The following ELMO1 variants were observed in gnomAD, a reference collection of about 807,000 sequenced individuals.
ELMO1 encodes engulfment and cell motility protein 1.
A neutral mutation model predicts 98.9 loss-of-function variants in ELMO1; 26 were observed. The ratio of observed to expected loss-of-function variants is 0.26; its 90% CI spans 0.19 to 0.36. The LOEUF (loss-of-function observed/expected upper bound fraction) is 0.36, where lower values mean the gene tolerates loss of function less well. Ranked by LOEUF, ELMO1 falls within the 10% of genes least tolerant of loss-of-function variation. The probability of loss-of-function intolerance (pLI) is 1.00; values close to 1 mark genes in which losing one functional copy is unlikely to be tolerated. For missense variants in ELMO1, 627 were observed against 935.2 expected (o/e 0.67, Z 4.30); for synonymous variants, 346 against 346.0 (o/e 1.00, Z 0.00).
chr7:37,335,661 G>GGGT (rs1312596981), intron 2 of ELMO1, among the ~76,000 whole-genome samples: 1 of 152,116 alleles, frequency 6.6e-6, no homozygotes, highest in African/African-American at 2.4e-5. Context: ...AGTGAGCGAG[G>GGGT]GGTGCCCGGA....
chr7:37,035,359 T>C (rs1408718070), intron 15 of ELMO1, among the ~76,000 whole-genome samples: 1 of 152,244 alleles, frequency 6.6e-6, no homozygotes, highest in Non-Finnish European at 1.5e-5. Flanking sequence ...GACTTCTTTT[T>C]TGGTTGGATC....
intron 18 of ELMO1, among the ~76,000 whole-genome samples, chr7:36,883,196 T>C (rs1028773261): frequency 5.3e-5 from 8 of 152,166 alleles, no homozygotes; most frequent in Non-Finnish European, 1.0e-4. Flanking sequence ...TGTCAGCACT[T>C]AGGGAATGCT....
chr7:37,112,011 GA>G (rs1785278777), intron 14 of ELMO1, among the ~76,000 whole-genome samples: 1 of 152,074 alleles, frequency 6.6e-6, no homozygotes, highest in African/African-American at 2.4e-5. Flanking sequence ...CCAGGTCAAG[GA>G]AAAAGAGATT....
At chr7:37,070,922 A>T (rs1797234988) in intron 15 of ELMO1, among the ~76,000 whole-genome samples, 1 of 152,228 alleles carries the variant, frequency 6.6e-6, no homozygotes, top group African/African-American at 2.4e-5. Context: ...CAATGAGATT[A>T]GTGGAGATTT....
chr7:36,921,305 T>C (rs1381263427), intron 16 of ELMO1, among the ~76,000 whole-genome samples: 5 of 152,250 alleles, frequency 3.3e-5, no homozygotes, highest in Non-Finnish European at 7.3e-5. Context: ...GGACCAAATC[T>C]TCTGCCTTTG....
chr7:37,082,774 C>T (rs1213758912), intron 15 of ELMO1, among the ~76,000 whole-genome samples: 1 of 152,150 alleles, frequency 6.6e-6, no homozygotes, highest in Non-Finnish European at 1.5e-5. Context: ...GCTTAATTCT[C>T]TGTCCAAAAG....
chr7:36,858,660 G>C (rs1312258955), intron 21 of ELMO1, among the ~76,000 whole-genome samples: 1 of 149,132 alleles, frequency 6.7e-6, no homozygotes, highest in Non-Finnish European at 1.5e-5. Context: ...GAAGGAAACA[G>C]AAGAAGAGTC....
intron 13 of ELMO1, among the ~76,000 whole-genome samples, chr7:37,182,712 G>A (rs1790960144): frequency 6.6e-6 from 1 of 151,900 alleles, no homozygotes; most frequent in Non-Finnish European, 1.5e-5. Context: ...AAGAGGCTTG[G>A]GAATGATACA....
chr7:37,232,817 T>A (rs543172107), intron 8 of ELMO1, among the ~76,000 whole-genome samples: 61 of 152,300 alleles, frequency 4.0e-4, no homozygotes, highest in Non-Finnish European at 7.5e-4. Context: ...GAGTCACACA[T>A]GGGGAATTAA....
intron 1 of ELMO1, chr7:37,375,442 G>A: frequency 1.6e-6 from 1 of 635,592 alleles, no homozygotes; most frequent in Non-Finnish European, 2.8e-6. Context: ...GAATAGCAAG[G>A]GCAGTCAGCC....
Position 37,080,253 on chromosome 7 carries a change from A to G in ELMO1, c.1300+16366T>C, listed in dbSNP as rs1797793175. ...CAACTTGCTTATTGTAGTGGGGTATATTAACTTGCTCTCCCACAGTCTAAT... is the reference window on the plus strand; with the variant it reads ...CAACTTGCTTATTGTAGTGGGGTATGTTAACTTGCTCTCCCACAGTCTAAT... On this transcript the variant is annotated intron_variant, in intron 15 of 21. Coordinates refer to ENST00000310758, the MANE Select transcript of ELMO1 (RefSeq NM_014800.11). Among the ~76,000 whole-genome samples, 7 of 152,182 alleles carry G rather than the reference A, an allele frequency of 4.6e-5. No homozygotes were observed. In the South Asian group the frequency reaches 6.2e-4, roughly 13 times the overall value.
intron 16 of ELMO1, among the ~76,000 whole-genome samples, chr7:36,980,436 C>T (rs138271454): frequency 1.6e-4 from 25 of 152,228 alleles, no homozygotes; most frequent in African/African-American, 4.8e-4. Flanking sequence ...AGAAGTTTGA[C>T]GCATATATGA....
At chr7:37,252,490 C>A (rs1795406466) in intron 6 of ELMO1, among the ~76,000 whole-genome samples, 2 of 152,176 alleles carry the variant, frequency 1.3e-5, no homozygotes, top group African/African-American at 4.8e-5. Context: ...AAAGGATTCC[C>A]TATTTAATAA....
At chr7:36,992,914 A>G (rs1311043045) in intron 16 of ELMO1, among the ~76,000 whole-genome samples, 1 of 152,178 alleles carries the variant, frequency 6.6e-6, no homozygotes, top group African/African-American at 2.4e-5. Context: ...TATTTTATCA[A>G]ATGAAAAGGC....
chr7:37,335,556 T>C (rs1264707283), intron 2 of ELMO1, among the ~76,000 whole-genome samples: 1 of 152,126 alleles, frequency 6.6e-6, no homozygotes, highest in African/African-American at 2.4e-5. Flanking sequence ...ATCATCCATG[T>C]CTATTTTTTT....
rs868099906 is a variant in ELMO1, at chr7:36,894,822, T to C, written c.1601+32A>G. The C allele has an allele frequency of 3.0e-5, 49 of 1,613,656 alleles. 2 individuals are homozygous for C. The Middle Eastern group carries it at 5.8e-3, about 190-fold the overall frequency. On this transcript the variant is annotated intron_variant, in intron 17 of 21. Transcript: ENST00000310758. ...CTAGAAATAGTGGGTTAGAGTCTTT[T>C]GGGAGATAGAAGTCAATACTAGGTA...
intron 13 of ELMO1, among the ~76,000 whole-genome samples, chr7:37,158,993 G>T (rs1413977138): frequency 1.3e-5 from 2 of 152,222 alleles, no homozygotes; most frequent in Non-Finnish European, 2.9e-5. Context: ...ATGAGTTCAT[G>T]TGCTTTGCAG....
At chr7:37,005,908 G>T (rs759198177) in intron 16 of ELMO1, among the ~76,000 whole-genome samples, 1 of 152,072 alleles carries the variant, frequency 6.6e-6, no homozygotes, top group Non-Finnish European at 1.5e-5. Flanking sequence ...TGCTGAGCCT[G>T]CCAGTTTATC....
rs1192675212 is a variant in ELMO1 at position 37,080,436 on chromosome 7, CT to C, written c.1300+16182del. Among the ~76,000 whole-genome samples, 513 of 136,536 alleles carry C rather than the reference CT, an allele frequency of 3.8e-3. 2 individuals carry two copies. The highest frequency in any genetic ancestry group is 0.011 in the Middle Eastern group (3 of 264). 89.6% of individuals were successfully genotyped at this position (136,536 alleles called of 152,430 possible). A position where few individuals can be genotyped will look rare whatever the true frequency, so the allele number is the denominator to read the frequency against. Reference sequence around the variant, plus strand: ...GAAGAATCTCTCACCCACCATCCCACTTTTTTTTTTTTTTTTTTTGAGACAG... The same window carrying C: ...GAAGAATCTCTCACCCACCATCCCACTTTTTTTTTTTTTTTTTTGAGACAG... On this transcript the variant is annotated intron_variant, in intron 15 of 21. Coordinates refer to ENST00000310758, the MANE Select transcript of ELMO1 (RefSeq NM_014800.11).
Sources: allele counts gnomAD v4.1 joint callset (sites outside exome capture counted in the v4.1 genomes callset), GRCh38; gene constraint gnomAD v4.1.1; transcripts MANE v1.5; gene names NCBI Gene and HGNC (gene_info 2026-07-23, HGNC 2026-07-21).